The following CACNA2D4 variants were observed in gnomAD, a reference collection of about 807,000 sequenced individuals.
CACNA2D4 encodes the protein voltage-dependent calcium channel subunit alpha-2/delta-4.
CACNA2D4 carries 157 observed loss-of-function variants against 163.8 expected under a neutral mutation model. The observed-to-expected ratio is 0.96, with a 90% CI of 0.84 to 1.09. CACNA2D4 has a LOEUF of 1.09. Among genes scored for constraint, CACNA2D4 ranks in the 50% least tolerant of loss-of-function variants. The pLI is 0.00. For synonymous variants in CACNA2D4, 598 were observed against 586.9 expected (o/e 1.02, Z -0.27); for missense variants, 1,410 against 1,479.9 (o/e 0.95, Z 0.78).
In CACNA2D4 at chr12:1,884,235, G is replaced by A. The variant is rs754330393; in HGVS notation, c.1351+8C>T. ...AGGTGGGAAGGTACCTGCTGGCCCG[G>A]CACTCACCTTTGTTGTTGCATGCAA... On this transcript the variant is annotated splice_region_variant and intron_variant, in intron 12 of 37. Coordinates refer to ENST00000382722, the MANE Select transcript of CACNA2D4 (RefSeq NM_172364.5). The A allele has an allele frequency of 9.3e-6, 15 of 1,609,950 alleles. No individual in the cohort carries two copies. The highest frequency in any genetic ancestry group is 4.0e-5 in the African/African-American group (3 of 74,836).
In CACNA2D4 at chr12:1,896,505, T is replaced by C. The variant is rs2470389; in HGVS notation, c.782-9436A>G. Among the ~76,000 whole-genome samples, 1,091 of 151,944 alleles carry C rather than the reference T, an allele frequency of 7.2e-3. 12 individuals carry two copies. The highest frequency in any genetic ancestry group is 0.025 in the African/African-American group (1,027 of 41,452). ...CAAAAGAAGACATACAAATGGCCAA[T>C]AGATATATGAAAAAATGCTCAATAT... On this transcript the variant is annotated intron_variant, in intron 6 of 37. Transcript: ENST00000382722.
At chr12:1,858,694 C>T in intron 19 of CACNA2D4, 50 bp from the exon 20 acceptor site, 1 of 1,485,378 alleles carries the variant, frequency 6.7e-7, no homozygotes, top group Non-Finnish European at 9.2e-7. Context: ...AGATGCCGGC[C>T]TGTCTCCCGG....
At chr12:1,841,995 C>T (rs988376049) in intron 25 of CACNA2D4, among the ~76,000 whole-genome samples, 3 of 152,234 alleles carry the variant, frequency 2.0e-5, no homozygotes, top group African/African-American at 4.8e-5. Context: ...GGTGATGTGG[C>T]AGCCCCGACA....
intron 3 of CACNA2D4, among the ~76,000 whole-genome samples, chr12:1,912,549 G>A (rs541575397): frequency 4.4e-4 from 66 of 150,384 alleles, no homozygotes; most frequent in Non-Finnish European, 8.3e-4. Flanking sequence ...GAATGAGGGT[G>A]AGGGAGGAAT....
chr12:1,875,231 C>A lies in CACNA2D4; in HGVS notation c.1806+20G>T. 1 of 1,562,398 alleles carries A rather than the reference C, an allele frequency of 6.4e-7. No individual in the cohort carries two copies. Among genetic ancestry groups the A allele is most frequent in the South Asian group, 1.1e-5 (1 of 90,032 alleles). On this transcript the variant is annotated intron_variant, in intron 17 of 37. Coordinates refer to ENST00000382722, the MANE Select transcript of CACNA2D4 (RefSeq NM_172364.5). The surrounding 1 kb of genome is among the most constrained non-coding windows in gnomAD (Gnocchi z 4.0). ...TGTAGAGCCTAACTAGCTTCCCTTC[C>A]CCCTATTTTCCCCACTCACAGATTC... is the stretch of plus-strand genomic sequence containing the variant.
At chr12:1,864,648 C>G (rs930309272) in intron 18 of CACNA2D4, among the ~76,000 whole-genome samples, 1 of 152,234 alleles carries the variant, frequency 6.6e-6, no homozygotes, top group Non-Finnish European at 1.5e-5. Flanking sequence ...CAGGGCGCCG[C>G]CGACGGCGAT....
intron 6 of CACNA2D4, among the ~76,000 whole-genome samples, chr12:1,894,588 T>A (rs902588232): frequency 2.7e-5 from 4 of 148,890 alleles, no homozygotes; most frequent in African/African-American, 1.0e-4. Flanking sequence ...GTTCAACATA[T>A]GCAAATCAAT....
chr12:1,879,947 A>T, intron 13 of CACNA2D4, 66 bp from the exon 14 acceptor site: 5 of 1,103,340 alleles, frequency 4.5e-6, no homozygotes, highest in Non-Finnish European at 6.7e-6. Flanking sequence ...CCGCACTCGG[A>T]GCACCCAGTG....
chr12:1,875,145 G>T lies in CACNA2D4; in HGVS notation c.1806+106C>A. 1.3e-6 allele frequency: 1 copy of T among 787,212 alleles called. No homozygotes were observed. Among genetic ancestry groups the T allele is most frequent in the Non-Finnish European group, 2.2e-6 (1 of 445,790 alleles). 48.8% of individuals were successfully genotyped at this position (787,212 alleles called of 1,614,324 possible). On this transcript the variant is annotated intron_variant, in intron 17 of 37. Transcript: ENST00000382722. This position sits in a 1 kb window ranked among gnomAD's most constrained non-coding sequence, Gnocchi z 4.0. Reference sequence around the variant, plus strand: ...AAAGGCTCTGGGATGAACCTGTTCTGCCTGACAGGAACAGAGTGACCTCAA... The same window carrying T: ...AAAGGCTCTGGGATGAACCTGTTCTTCCTGACAGGAACAGAGTGACCTCAA...
intron 18 of CACNA2D4, among the ~76,000 whole-genome samples, chr12:1,873,559 C>T (rs1865826776): frequency 6.6e-6 from 1 of 152,188 alleles, no homozygotes; most frequent in South Asian, 2.1e-4. Flanking sequence ...CTGTCCTGTG[C>T]CATAAGCAGA....
chr12:1,884,783 GT>G lies in CACNA2D4; in HGVS notation c.1256del (p.Asn419ThrfsTer24). 1 of 1,613,134 alleles carries G rather than the reference GT, an allele frequency of 6.2e-7. No individual in the cohort carries two copies. The highest frequency in any genetic ancestry group is 8.5e-7 in the Non-Finnish European group (1 of 1,179,308). Reference sequence around the variant, plus strand: ...GGAGGGTCACCTTACAGTCTGGCCAGTTATACTTCTCAAACACCGGCTCGTA... The same window carrying G: ...GGAGGGTCACCTTACAGTCTGGCCAGTATACTTCTCAAACACCGGCTCGTA... ...EDYEPVFEKY[N>X]WPDCKVRVFT... On this transcript the variant is annotated frameshift_variant, in exon 11 of 38. Transcript: ENST00000382722. LOFTEE classifies it high-confidence loss of function.
At chr12:1,816,204 A>C (rs1488416843) in intron 26 of CACNA2D4, among the ~76,000 whole-genome samples, 1 of 152,146 alleles carries the variant, frequency 6.6e-6, no homozygotes, top group Non-Finnish European at 1.5e-5. Flanking sequence ...TGTGCAGGAG[A>C]CAACACCTTA....
chr12:1,905,425 T>C (rs925659532), intron 6 of CACNA2D4, among the ~76,000 whole-genome samples: 26 of 152,142 alleles, frequency 1.7e-4, no homozygotes, highest in Admixed American at 7.2e-4. Context: ...AAATTATGTC[T>C]GTTCACAGAT....
rs370265892 is a variant in CACNA2D4 at position 1,831,063 on chromosome 12, G to A, written c.2551+9676C>T. On this transcript the variant is annotated intron_variant, in intron 26 of 37. Coordinates refer to ENST00000382722, the MANE Select transcript of CACNA2D4 (RefSeq NM_172364.5). ...TGGCCTCACCACGGTGCCCCCAGAC[G>A]TGCCCGCAGCCACCCGAACCCTCTT... 135 of 1,614,024 alleles carry A rather than the reference G, an allele frequency of 8.4e-5. No individual in the cohort carries two copies. The highest frequency in any genetic ancestry group is 1.2e-4 in the Admixed American group (7 of 60,024).
At chr12:1,904,789 T>C (rs992866140) in intron 6 of CACNA2D4, among the ~76,000 whole-genome samples, 3 of 151,856 alleles carry the variant, frequency 2.0e-5, no homozygotes, top group Non-Finnish European at 4.4e-5. Flanking sequence ...TGTTTCCCTA[T>C]AAAAAATCAG....
At chr12:1,795,837 T>C (rs1863106423) in intron 35 of CACNA2D4, 57 bp from the exon 36 acceptor site, 1 of 1,101,734 alleles carries the variant, frequency 9.1e-7, no homozygotes, top group Non-Finnish European at 1.4e-6. Flanking sequence ...GAAGGGCTTC[T>C]AGGGAAGGAA....
chr12:1,865,369 A>C (rs887932575), intron 18 of CACNA2D4, among the ~76,000 whole-genome samples: 1 of 152,210 alleles, frequency 6.6e-6, no homozygotes, highest in African/African-American at 2.4e-5. Flanking sequence ...AGTTGTAAAC[A>C]AAACTCATGA....
At chr12:1,846,766 G>GACCTGCA in intron 23 of CACNA2D4, 77 bp from the exon 24 acceptor site, 1 of 1,200,366 alleles carries the variant, frequency 8.3e-7, no homozygotes, top group South Asian at 1.3e-5. Flanking sequence ...GGGGTTTGGG[G>GACCTGCA]GCCTCTCCTT....
At chr12:1,899,472 G>T (rs926467863) in intron 6 of CACNA2D4, among the ~76,000 whole-genome samples, 1 of 152,082 alleles carries the variant, frequency 6.6e-6, no homozygotes, top group Non-Finnish European at 1.5e-5. Context: ...CACAATTACA[G>T]ATACAGCAGA....
Sources: gnomAD v4.1 joint callset for allele counts (sites outside exome capture counted in the v4.1 genomes callset) on GRCh38, gnomAD v4.1.1 for gene constraint, Gnocchi (gnomAD v3.1) non-coding constraint, MANE v1.5 for transcripts, NCBI Gene and HGNC (gene_info 2026-07-23, HGNC 2026-07-21) for gene names.